The following TUBGCP4 variants were observed in gnomAD, a reference collection of about 807,000 sequenced individuals.
TUBGCP4 encodes tubulin gamma complex component 4, also known as gamma-tubulin complex component 4.
TUBGCP4 carries 54 observed loss-of-function variants against 91.6 expected under a neutral mutation model. The observed-to-expected ratio is 0.59, with a 90% CI of 0.47 to 0.74. TUBGCP4 has a LOEUF of 0.74. Ranked by LOEUF, TUBGCP4 falls within the 30% of genes least tolerant of loss-of-function variation. TUBGCP4 has a pLI of 0.00. For synonymous variants in TUBGCP4, 297 were observed against 302.8 expected, an observed-to-expected ratio of 0.98 and a Z score of 0.20; for missense variants, 593 against 800.9, an observed-to-expected ratio of 0.74 and a Z score of 3.13.
rs200657683 is a variant in TUBGCP4 at position 43,407,919 on chromosome 15, C to T, written c.*2705C>T. 292 of 1,602,626 alleles carry T rather than the reference C, an allele frequency of 1.8e-4. No homozygotes were observed. In the East Asian group the frequency reaches 4.4e-3, roughly 24 times the overall value. ...TCTAAGGAGATCCCTGGAACAAAGA[C>T]ACTACACACACTCTTTCAGGTACCT... On this transcript the variant is annotated 3_prime_UTR_variant, in exon 18 of 18. Transcript: ENST00000564079.
intron 6 of TUBGCP4, among the ~76,000 whole-genome samples, chr15:43,381,824 C>T (rs1470300050): frequency 6.6e-6 from 1 of 152,158 alleles, no homozygotes; most frequent in Non-Finnish European, 1.5e-5. Flanking sequence ...CTCTTTTTCT[C>T]CTTCTATACG....
chr15:43,386,961 T>A (rs2044385384), intron 9 of TUBGCP4, among the ~76,000 whole-genome samples: 1 of 152,048 alleles, frequency 6.6e-6, no homozygotes, highest in Non-Finnish European at 1.5e-5. Flanking sequence ...AAAGGGGGGA[T>A]CTTGGTTTAA....
chr15:43,387,916 G>GT (rs1566895324), intron 9 of TUBGCP4, among the ~76,000 whole-genome samples: 79 of 152,026 alleles, frequency 5.2e-4, no homozygotes, highest in African/African-American at 1.9e-3. Context: ...TGGAGCAGTC[G>GT]CGGCTCACTA....
intron 9 of TUBGCP4, 47 bp downstream of exon 9, chr15:43,386,377 A>ATAATTTTT (rs1555394852): frequency 5.2e-5 from 1 of 19,092 alleles, no homozygotes; most frequent in Non-Finnish European, 8.0e-5. Context: ...ATATATATAT[A>ATAATTTTT]TTTTTTTTTT....
At position 43,409,483 on chromosome 15, in the gene TUBGCP4, A is replaced by G; in HGVS notation, c.*4269A>G. On this transcript the variant is annotated 3_prime_UTR_variant, in exon 18 of 18. Transcript: ENST00000564079. ...GTCCTACCTTCTCTTCCCTATACAC[A>G]ACAAAAATTCTATTTCATGCAAAAA... The G allele has an allele frequency of 1.9e-6, 1 of 521,706 alleles. No individual in the cohort carries two copies. Among genetic ancestry groups the G allele is most frequent in the Non-Finnish European group, 3.4e-6 (1 of 296,452 alleles). 32.3% of individuals were successfully genotyped at this position (521,706 alleles called of 1,614,324 possible).
chr15:43,380,235 A>C (rs1382233212), intron 6 of TUBGCP4, 72 bp downstream of exon 6: 2 of 1,350,464 alleles, frequency 1.5e-6, no homozygotes, highest in Non-Finnish European at 2.1e-6. Context: ...CACATGTTTT[A>C]TTTTCAGGTC....
Position 43,409,416 on chromosome 15 carries a change from T to C in TUBGCP4, c.*4202T>C. The C allele has an allele frequency of 1.9e-6, 1 of 538,370 alleles. No homozygotes were observed. Among genetic ancestry groups the C allele is most frequent in the Non-Finnish European group, 3.3e-6 (1 of 304,812 alleles). The allele number at this position is 538,370 out of a possible 1,614,324, so 33.3% of individuals were successfully genotyped here. On this transcript the variant is annotated 3_prime_UTR_variant, in exon 18 of 18. Transcript: ENST00000564079. ...CTACTAAACATAAACATCAATCTTC[T>C]TTTGTCCCAGCAACAGAACCATAGC...
At chr15:43,403,618 T>C (rs766390033) in intron 15 of TUBGCP4, 65 bp from the exon 16 acceptor site, 8 of 1,211,578 alleles carry the variant, frequency 6.6e-6, no homozygotes, top group Admixed American at 3.5e-5. Flanking sequence ...ACTGTTCTCC[T>C]AACACTTTAA....
chr15:43,378,048 T>C, intron 5 of TUBGCP4, 145 bp downstream of exon 5: 4 of 622,188 alleles, frequency 6.4e-6, no homozygotes, highest in Middle Eastern at 4.5e-4. Context: ...TTGGTTATCA[T>C]GTTAAGTGTC....
chr15:43,382,117 TG>T (rs1413948770), intron 6 of TUBGCP4, among the ~76,000 whole-genome samples: 2 of 150,402 alleles, frequency 1.3e-5, no homozygotes, highest in Non-Finnish European at 3.0e-5. Context: ...GAGGCTGAGG[TG>T]GGAGGGTGGC....
At chr15:43,388,164 A>G (rs2044410602) in intron 9 of TUBGCP4, among the ~76,000 whole-genome samples, 1 of 152,172 alleles carries the variant, frequency 6.6e-6, no homozygotes, top group Non-Finnish European at 1.5e-5. Context: ...ACTTCTATTT[A>G]AGCAAGCCAG....
rs1309615621 is a variant in TUBGCP4, at chr15:43,377,064, C to G, written c.381C>G (p.Asp127Glu). 3 of 1,612,572 alleles carry G rather than the reference C, an allele frequency of 1.9e-6. No individual in the cohort carries two copies. Among genetic ancestry groups the G allele is most frequent in the South Asian group, 1.1e-5 (1 of 91,042 alleles). Reference sequence around the variant, plus strand: ...TATCACATGTCAACTACTTCCTAGACCAGGTATGCTGCCCAAATAACCAAA... The same window carrying G: ...TATCACATGTCAACTACTTCCTAGAGCAGGTATGCTGCCCAAATAACCAAA... ...LSISHVNYFL[D>E]QFQLLFPSVM... is the part of the protein sequence containing the mutation. The change falls in exon 4 of 18, where the codon GAC (aspartate) becomes GAG (glutamate). Residue 127 changes from aspartate (D) to glutamate (E), a missense_variant. Physicochemically the swap from Asp to Glu is conservative, Grantham distance 45 (BLOSUM62 2). Coordinates refer to ENST00000564079, the MANE Select transcript of TUBGCP4 (RefSeq NM_014444.5).
At position 43,385,630 on chromosome 15, in the gene TUBGCP4, T is replaced by A. The variant is rs1460420437; in HGVS notation, c.724-161T>A. 7 of 680,916 alleles carry A rather than the reference T, an allele frequency of 1.0e-5. No homozygotes were observed. The East Asian group carries it at 1.7e-4, about 16-fold the overall frequency. The allele number at this position is 680,916 out of a possible 1,614,324, so 42.2% of individuals were successfully genotyped here. A position where few individuals can be genotyped will look rare whatever the true frequency, so the allele number is the denominator to read the frequency against. ...GCCACTCTGCTGCCTGAAGATGAAATACATCTCTCCAAAATGGGTGGTTTG... is the reference window on the plus strand; with the variant it reads ...GCCACTCTGCTGCCTGAAGATGAAAAACATCTCTCCAAAATGGGTGGTTTG... On this transcript the variant is annotated intron_variant, in intron 7 of 17. Transcript: ENST00000564079.
Position 43,409,735 on chromosome 15 carries a change from A to G in TUBGCP4, c.*4521A>G. 6.6e-7 allele frequency: 1 copy of G among 1,519,634 alleles called. No homozygotes were observed. Among genetic ancestry groups the G allele is most frequent in the African/African-American group, 1.4e-5 (1 of 70,546 alleles). 94.1% of individuals were successfully genotyped at this position (1,519,634 alleles called of 1,614,324 possible). A position where few individuals can be genotyped will look rare whatever the true frequency, so the allele number is the denominator to read the frequency against. Reference sequence around the variant, plus strand: ...CTGCTTGTTGAAAGGAGGAATTTCCAAAAATTCTATATTAAAAAAAAAAAC... The same window carrying G: ...CTGCTTGTTGAAAGGAGGAATTTCCGAAAATTCTATATTAAAAAAAAAAAC... On this transcript the variant is annotated 3_prime_UTR_variant, in exon 18 of 18. Transcript: ENST00000564079.
intron 11 of TUBGCP4, among the ~76,000 whole-genome samples, chr15:43,396,132 TCAC>T (rs1007930104): frequency 1.3e-5 from 2 of 152,226 alleles, no homozygotes; most frequent in Admixed American, 1.3e-4. Flanking sequence ...ATTCACTCAT[TCAC>T]CACATCTTGT....
rs749095886 is a variant in TUBGCP4, at chr15:43,377,046, T to C, written c.363T>C (p.His121=). The C allele has an allele frequency of 3.1e-6, 5 of 1,614,048 alleles. No individual in the cohort carries two copies. Among genetic ancestry groups the C allele is most frequent in the Non-Finnish European group, 4.2e-6 (5 of 1,179,882 alleles). The part of the protein sequence containing the change: ...FLGDPHLSIS[H]VNYFLDQFQL... ...GTGATCCCCATCTCTCCATATCACA[T>C]GTCAACTACTTCCTAGACCAGGTAT... is the stretch of plus-strand genomic sequence containing the variant. Residue 121 remains histidine, a synonymous_variant, in exon 4 of 18, where the codon CAT becomes CAC. Coordinates refer to ENST00000564079, the MANE Select transcript of TUBGCP4 (RefSeq NM_014444.5).
rs1212547126 is a variant in TUBGCP4, at chr15:43,406,292, C to G, written c.*1078C>G. The G allele has an allele frequency of 4.5e-6, 1 of 222,812 alleles. No individual in the cohort carries two copies. Among genetic ancestry groups the G allele is most frequent in the Non-Finnish European group, 9.1e-6 (1 of 110,300 alleles). The allele number at this position is 222,812 out of a possible 1,614,324, so 13.8% of individuals were successfully genotyped here. On this transcript the variant is annotated 3_prime_UTR_variant, in exon 18 of 18. Coordinates refer to ENST00000564079, the MANE Select transcript of TUBGCP4 (RefSeq NM_014444.5). The stretch of plus-strand genomic sequence containing the variant: ...CCAAACTGAAAAAGAATGCAGTGTT[C>G]TGGCATCAGGTTATAGTCACTGCAT...
intron 9 of TUBGCP4, chr15:43,394,725 A>T: frequency 4.3e-6 from 1 of 229,952 alleles, no homozygotes; most frequent in South Asian, 6.7e-5. Flanking sequence ...TTCTCATGAG[A>T]TCTGGCTGTT....
rs1041166279 is a variant in TUBGCP4, at chr15:43,406,626, T to G, written c.*1412T>G. On this transcript the variant is annotated 3_prime_UTR_variant, in exon 18 of 18. Transcript: ENST00000564079. ...AAAAAAACCTTGTTGACCCCTGCTT[T>G]AGAGAATGAGAAGCCATGCAGGGAT... 2.2e-6 allele frequency: 1 copy of G among 455,906 alleles called. No individual in the cohort carries two copies. Among genetic ancestry groups the G allele is most frequent in the East Asian group, 6.9e-5 (1 of 14,410 alleles). The allele number at this position is 455,906 out of a possible 1,614,324, so 28.2% of individuals were successfully genotyped here.
Sources: allele counts gnomAD v4.1 joint callset (sites outside exome capture counted in the v4.1 genomes callset), GRCh38; gene constraint gnomAD v4.1.1; transcripts MANE v1.5; gene names NCBI Gene and HGNC (gene_info 2026-07-23, HGNC 2026-07-21).